Variants in SHANK2 observed in about 807,000 individuals in gnomAD.
SHANK2 encodes SH3 and multiple ankyrin repeat domains 2.
Under a neutral mutation model 133.7 loss-of-function variants are expected in SHANK2, and 43 were observed. The ratio of observed to expected loss-of-function variants is 0.32; its 90% CI spans 0.25 to 0.41. The LOEUF is 0.41. Among genes scored for constraint, SHANK2 ranks in the 10% least tolerant of loss-of-function variants. The pLI is 1.00. For missense variants in SHANK2, 1,994 were observed against 2,235.8 expected, an observed-to-expected ratio of 0.89 and a Z score of 2.18; for synonymous variants, 1,017 against 952.8, an observed-to-expected ratio of 1.07 and a Z score of -1.24.
chr11:71,198,370 G>A (rs1294627167), intron 2 of SHANK2, among the ~76,000 whole-genome samples: 2 of 152,208 alleles, frequency 1.3e-5, no homozygotes, highest in Non-Finnish European at 2.9e-5. Context: ...GGAGGGGCCG[G>A]CAGCTCTCGG....
chr11:70,472,538 C>G lies in SHANK2; in HGVS notation c.*331G>C. 1 of 395,732 alleles carries G rather than the reference C, an allele frequency of 2.5e-6. No individual in the cohort carries two copies. Among genetic ancestry groups the G allele is most frequent in the South Asian group, 2.2e-5 (1 of 45,492 alleles). The allele number at this position is 395,732 out of a possible 1,614,324, so 24.5% of individuals were successfully genotyped here. On this transcript the variant is annotated 3_prime_UTR_variant, in exon 26 of 26. Coordinates refer to ENST00000601538, the MANE Select transcript of SHANK2 (RefSeq NM_012309.5). The surrounding 1 kb of genome is among the most constrained non-coding windows in gnomAD (Gnocchi z 4.4). ...GTGTCTGCCTACAAGAGCTAGGATC[C>G]CGTGCAAAATTGACGGGGAGCCTCT...
chr11:71,242,659 G>A (rs781952373), intron 1 of SHANK2, among the ~76,000 whole-genome samples: 4 of 152,130 alleles, frequency 2.6e-5, no homozygotes, highest in South Asian at 2.1e-4. Flanking sequence ...CTCCCCTGGC[G>A]AGGATGTCGA....
intron 14 of SHANK2, among the ~76,000 whole-genome samples, chr11:70,701,405 CT>C (rs1230172535): frequency 2.6e-4 from 39 of 151,498 alleles, no homozygotes; most frequent in Non-Finnish European, 4.4e-4. Context: ...AAAAAGGAAT[CT>C]TTTTTTTTCT....
At chr11:70,655,892 C>A (rs1028329943) in intron 17 of SHANK2, among the ~76,000 whole-genome samples, 1 of 152,132 alleles carries the variant, frequency 6.6e-6, no homozygotes, top group Admixed American at 6.5e-5. Context: ...TCATGGATGC[C>A]CAGCTCTCGC....
chr11:70,807,830 C>CAA lies in SHANK2; in HGVS notation c.1494-661_1494-660dup, dbSNP rs569538762. 4.6e-4 allele frequency among the ~76,000 whole-genome samples: 64 copies of CAA among 139,672 alleles called. No individual in the cohort carries two copies. Among genetic ancestry groups the CAA allele is most frequent in the African/African-American group, 1.6e-3 (60 of 38,218 alleles). The allele number at this position is 139,672 out of a possible 152,430, so 91.6% of individuals were successfully genotyped here. The stretch of plus-strand genomic sequence containing the variant: ...GGGTGACAGAGTGAGACTCTGTCTC[C>CAA]AAAAAAAAAAAGTAAACTGTGACAC... On this transcript the variant is annotated intron_variant, in intron 12 of 25. Coordinates refer to ENST00000601538, the MANE Select transcript of SHANK2 (RefSeq NM_012309.5). The surrounding 1 kb of genome is among the most constrained non-coding windows in gnomAD (Gnocchi z 4.8).
chr11:70,607,707 C>A (rs1203581433), intron 17 of SHANK2, among the ~76,000 whole-genome samples: 1 of 152,232 alleles, frequency 6.6e-6, no homozygotes, highest in African/African-American at 2.4e-5. Context: ...CACCACAGGG[C>A]CCCCAGGACA....
chr11:70,560,144 T>A (rs2059888522), intron 17 of SHANK2, among the ~76,000 whole-genome samples: 1 of 152,146 alleles, frequency 6.6e-6, no homozygotes, highest in Non-Finnish European at 1.5e-5. Flanking sequence ...AGTGCTTGGA[T>A]TACAGGCGTG....
intron 17 of SHANK2, among the ~76,000 whole-genome samples, chr11:70,612,503 C>T (rs1385244378): frequency 1.3e-5 from 2 of 152,294 alleles, no homozygotes; most frequent in South Asian, 2.1e-4. Flanking sequence ...CTTCTTTGTA[C>T]AATTACGAAT....
chr11:71,190,816 G>C (rs957730095), intron 2 of SHANK2, among the ~76,000 whole-genome samples: 1 of 152,136 alleles, frequency 6.6e-6, no homozygotes, highest in Non-Finnish European at 1.5e-5. Context: ...TTTCTGTCTC[G>C]GCCTCACTTT....
intron 25 of SHANK2, among the ~76,000 whole-genome samples, chr11:70,478,565 G>C (rs2058693441): frequency 6.6e-6 from 1 of 152,182 alleles, no homozygotes; most frequent in South Asian, 2.1e-4. Flanking sequence ...GCATTGAAAA[G>C]ATAGAACCGG....
intron 17 of SHANK2, among the ~76,000 whole-genome samples, chr11:70,541,716 G>C (rs1554975195): frequency 6.6e-6 from 1 of 152,248 alleles, no homozygotes; most frequent in Non-Finnish European, 1.5e-5. Flanking sequence ...ATTTTTGGTT[G>C]TGACAACAAC....
chr11:71,241,912 G>A (rs1555124466), intron 1 of SHANK2, among the ~76,000 whole-genome samples: 4 of 152,202 alleles, frequency 2.6e-5, no homozygotes, highest in African/African-American at 9.6e-5. Flanking sequence ...TTTTCTAAAA[G>A]CAAGGACTCA....
rs557692591 is a variant in SHANK2 at position 71,112,978 on chromosome 11, C to G, written c.483+315G>C. Among the ~76,000 whole-genome samples, 3 of 152,352 alleles carry G rather than the reference C, an allele frequency of 2.0e-5. No individual in the cohort carries two copies. The South Asian group carries it at 6.2e-4, about 32-fold the overall frequency. ...CGGGGCTCACTGTGGACCCGCTTCCCTCCACCACGCCAGGCGTCCAGATCC... is the reference window on the plus strand; with the variant it reads ...CGGGGCTCACTGTGGACCCGCTTCCGTCCACCACGCCAGGCGTCCAGATCC... On this transcript the variant is annotated intron_variant, in intron 5 of 25. Coordinates refer to ENST00000601538, the MANE Select transcript of SHANK2 (RefSeq NM_012309.5).
intron 11 of SHANK2, among the ~76,000 whole-genome samples, chr11:70,888,150 G>A (rs187169044): frequency 6.6e-5 from 10 of 151,262 alleles, no homozygotes; most frequent in East Asian, 5.9e-4. Flanking sequence ...GGCCAGGAAC[G>A]GACAAAAGAT....
At chr11:70,732,156 G>A (rs553290325) in intron 14 of SHANK2, among the ~76,000 whole-genome samples, 2 of 152,160 alleles carry the variant, frequency 1.3e-5, no homozygotes, top group African/African-American at 2.4e-5. Context: ...ACTACAGGCT[G>A]CTCAAATGTA....
At chr11:71,150,633 G>A (rs1206860983) in intron 2 of SHANK2, among the ~76,000 whole-genome samples, 1 of 151,944 alleles carries the variant, frequency 6.6e-6, no homozygotes, top group East Asian at 1.9e-4. Flanking sequence ...TCCCCCTAGG[G>A]TGTGTGTGGC....
chr11:70,535,384 C>T lies in SHANK2; in HGVS notation c.2062-32453G>A, dbSNP rs936212250. ...CCATCATCCATCTGCCATCATCCAT[C>T]AGTCTAACCAGTCCATCCATTTATC... On this transcript the variant is annotated intron_variant, in intron 17 of 25. Coordinates refer to ENST00000601538, the MANE Select transcript of SHANK2 (RefSeq NM_012309.5). The surrounding 1 kb of genome is among the most constrained non-coding windows in gnomAD (Gnocchi z 4.3). Among the ~76,000 whole-genome samples the T allele has an allele frequency of 9.2e-5, 14 of 152,114 alleles. No homozygotes were observed. The highest frequency in any genetic ancestry group is 1.8e-4 in the Non-Finnish European group (12 of 68,020).
At position 71,200,460 on chromosome 11, in the gene SHANK2, T is replaced by C. The variant is rs1478724688; in HGVS notation, c.-13+24237A>G. On this transcript the variant is annotated intron_variant, in intron 2 of 25. Transcript: ENST00000601538. ...TTTTCACTCGTACCTATGATTCCAT[T>C]TCTCTTGGGGACACACCCAGGAGTG... 2.0e-5 allele frequency among the ~76,000 whole-genome samples: 3 copies of C among 152,302 alleles called. No individual in the cohort carries two copies. In the East Asian group the frequency reaches 5.8e-4, roughly 29 times the overall value.
chr11:71,155,879 C>T (rs1459864196), intron 2 of SHANK2, among the ~76,000 whole-genome samples: 1 of 152,168 alleles, frequency 6.6e-6, no homozygotes, highest in Admixed American at 6.5e-5. Flanking sequence ...AGTCCGAATC[C>T]CCGGGGCCTG....
Sources: gnomAD v4.1 joint callset for allele counts (sites outside exome capture counted in the v4.1 genomes callset) on GRCh38, gnomAD v4.1.1 for gene constraint, Gnocchi (gnomAD v3.1) non-coding constraint, MANE v1.5 for transcripts, NCBI Gene and HGNC (gene_info 2026-07-23, HGNC 2026-07-21) for gene names.